Variants in WDPCP observed in about 807,000 individuals in gnomAD.
WDPCP encodes the protein WD repeat-containing and planar cell polarity effector protein fritz homolog.
Under a neutral mutation model 93.1 loss-of-function variants are expected in WDPCP, and 71 were observed. That is an observed-to-expected ratio of 0.76 (90% CI 0.63 to 0.93). The LOEUF (loss-of-function observed/expected upper bound fraction) is 0.93. WDPCP is among the 40% of genes least tolerant of loss of function. The probability of loss-of-function intolerance (pLI) is 0.00; values close to 1 mark genes in which losing one functional copy is unlikely to be tolerated. For synonymous variants in WDPCP, 315 were observed against 315.0 expected (o/e 1.00, Z 0.00); for missense variants, 844 against 887.4 (o/e 0.95, Z 0.62).
At chr2:63,261,580 T>C (rs1044769919) in intron 13 of WDPCP, among the ~76,000 whole-genome samples, 11 of 152,176 alleles carry the variant, frequency 7.2e-5, no homozygotes, top group Admixed American at 3.3e-4. Context: ...ATTTTGATGA[T>C]AGGAAACACC....
chr2:63,237,616 T>C (rs951504147), intron 14 of WDPCP, among the ~76,000 whole-genome samples: 5 of 152,132 alleles, frequency 3.3e-5, no homozygotes, highest in African/African-American at 1.2e-4. Context: ...ATGTGGTACA[T>C]ATACACCATG....
At chr2:63,388,363 A>C (rs1343963282) in intron 10 of WDPCP, among the ~76,000 whole-genome samples, 1 of 152,080 alleles carries the variant, frequency 6.6e-6, no homozygotes, top group African/African-American at 2.4e-5. Flanking sequence ...ATCAACAAAA[A>C]GGGCATCTAC....
At position 63,340,306 on chromosome 2, in the gene WDPCP, G is replaced by A. The variant is rs79140853; in HGVS notation, c.1749-26995C>T. Among the ~76,000 whole-genome samples, 505 of 152,246 alleles carry A rather than the reference G, an allele frequency of 3.3e-3. 4 individuals carry two copies. The highest frequency in any genetic ancestry group is 0.012 in the African/African-American group (483 of 41,544). On this transcript the variant is annotated intron_variant, in intron 12 of 17. Transcript: ENST00000272321. ...AGGGATTATCCCAGCAGTATGTGAA[G>A]GCTGGCAAGGAGTTCCTGTCCAAGG...
upstream of WDPCP, among the ~76,000 whole-genome samples, chr2:63,830,912 A>AT (rs1671182874): frequency 6.6e-6 from 1 of 151,932 alleles, no homozygotes; most frequent in South Asian, 2.1e-4. Context: ...AGCAGGCTAG[A>AT]TTTTTTTTCT....
At chr2:63,666,573 C>T (rs113822438) in intron 2 of WDPCP, among the ~76,000 whole-genome samples, 55 of 152,246 alleles carry the variant, frequency 3.6e-4, no homozygotes, top group African/African-American at 1.1e-3. Flanking sequence ...AATTTTGTGC[C>T]GCTGCCTTCA....
chr2:63,211,840 A>C (rs1676839059), intron 14 of WDPCP, among the ~76,000 whole-genome samples: 1 of 152,198 alleles, frequency 6.6e-6, no homozygotes, highest in African/African-American at 2.4e-5. Flanking sequence ...TTCAGTAGCC[A>C]ATTCGATCAA....
Position 63,411,035 on chromosome 2 carries a change from C to G in WDPCP, c.826-6378G>C, listed in dbSNP as rs192703136. Reference sequence around the variant, plus strand: ...AATGGATTTAAACTATACCTTGGAACAAATGGACTTAACATACAGAACATT... The same window carrying G: ...AATGGATTTAAACTATACCTTGGAAGAAATGGACTTAACATACAGAACATT... On this transcript the variant is annotated intron_variant, in intron 9 of 17. Transcript: ENST00000272321. 7.9e-5 allele frequency among the ~76,000 whole-genome samples: 12 copies of G among 152,216 alleles called. No homozygotes were observed. In the East Asian group the frequency reaches 2.3e-3, roughly 29 times the overall value.
intron 12 of WDPCP, among the ~76,000 whole-genome samples, chr2:63,364,532 G>C (rs1038545557): frequency 2.0e-4 from 30 of 152,008 alleles, no homozygotes. Context: ...TTTATTCCCT[G>C]CCTGTCACCT....
At chr2:63,398,808 T>C (rs1693942014) in intron 10 of WDPCP, among the ~76,000 whole-genome samples, 1 of 151,850 alleles carries the variant, frequency 6.6e-6, no homozygotes, top group African/African-American at 2.4e-5. Flanking sequence ...GTGGGAAAAC[T>C]GCACATGCAA....
intron 2 of WDPCP, among the ~76,000 whole-genome samples, chr2:63,704,901 G>C (rs1276659500): frequency 6.6e-6 from 1 of 152,198 alleles, no homozygotes; most frequent in African/African-American, 2.4e-5. Flanking sequence ...ACCTCTGGTA[G>C]AATTCGGCTG....
At chr2:63,527,258 A>G (rs1395039207) in intron 1 of WDPCP, among the ~76,000 whole-genome samples, 1 of 150,150 alleles carries the variant, frequency 6.7e-6, no homozygotes, top group Non-Finnish European at 1.5e-5. Context: ...TCTAGGGTAC[A>G]TGTGCACAAC....
intron 10 of WDPCP, among the ~76,000 whole-genome samples, chr2:63,399,983 T>C (rs977818327): frequency 6.6e-6 from 1 of 152,162 alleles, no homozygotes; most frequent in Non-Finnish European, 1.5e-5. Flanking sequence ...ATAAAGTAAA[T>C]TGAAAGCTAT....
intron 1 of WDPCP, among the ~76,000 whole-genome samples, chr2:63,495,808 T>A (rs930618515): frequency 1.3e-5 from 2 of 152,118 alleles, no homozygotes; most frequent in Non-Finnish European, 2.9e-5. Flanking sequence ...AATAAAATAA[T>A]AAATATGATC....
At chr2:63,124,353 T>A (rs1669749769) in intron 17 of WDPCP, among the ~76,000 whole-genome samples, 1 of 152,050 alleles carries the variant, frequency 6.6e-6, no homozygotes, top group East Asian at 1.9e-4. Context: ...TGAAACTACG[T>A]GTTAATTCTT....
intron 14 of WDPCP, among the ~76,000 whole-genome samples, chr2:63,239,354 T>G (rs1679680214): frequency 6.6e-6 from 1 of 152,206 alleles, no homozygotes; most frequent in African/African-American, 2.4e-5. Flanking sequence ...ACTAAGTGAC[T>G]ATAAAAACTC....
At chr2:63,310,085 G>C (rs563404065) in intron 13 of WDPCP, among the ~76,000 whole-genome samples, 14 of 152,098 alleles carry the variant, frequency 9.2e-5, no homozygotes, top group Non-Finnish European at 1.8e-4. Flanking sequence ...TATTTGAAAA[G>C]TGAGTAATAT....
At chr2:63,653,085 G>A (rs1475074686) in intron 2 of WDPCP, among the ~76,000 whole-genome samples, 2 of 152,204 alleles carry the variant, frequency 1.3e-5, no homozygotes, top group African/African-American at 4.8e-5. Flanking sequence ...CCTGGCAGTA[G>A]CTCAGGAAGA....
intron 2 of WDPCP, among the ~76,000 whole-genome samples, chr2:63,492,146 A>T (rs1700917446): frequency 6.6e-6 from 1 of 152,158 alleles, no homozygotes; most frequent in Admixed American, 6.6e-5. Flanking sequence ...TTGTAAGGTA[A>T]ATCATTTTCT....
At chr2:63,557,206 C>A (rs1411212206) in intron 1 of WDPCP, among the ~76,000 whole-genome samples, 1 of 152,184 alleles carries the variant, frequency 6.6e-6, no homozygotes, top group Non-Finnish European at 1.5e-5. Context: ...TTAAAAGACA[C>A]AGAATGACAA....
Sources: allele counts gnomAD v4.1 joint callset (sites outside exome capture counted in the v4.1 genomes callset), GRCh38; gene constraint gnomAD v4.1.1; transcripts MANE v1.5; gene names NCBI Gene and HGNC (gene_info 2026-07-23, HGNC 2026-07-21).